The following HHAT variants were observed in gnomAD, a reference collection of about 807,000 sequenced individuals.
HHAT encodes hedgehog acyltransferase, also known as protein-cysteine N-palmitoyltransferase HHAT.
In HHAT, 47 loss-of-function variants were observed where a neutral mutation model predicts 70.8. The ratio of observed to expected loss-of-function variants is 0.66; its 90% CI spans 0.53 to 0.85. The LOEUF (loss-of-function observed/expected upper bound fraction) is 0.85, where lower values mean the gene tolerates loss of function less well. Among genes scored for constraint, HHAT ranks in the 40% least tolerant of loss-of-function variants. The pLI, the probability that HHAT is intolerant of heterozygous loss-of-function variation, is 0.00. For missense variants in HHAT, 609 were observed against 604.8 expected, an observed-to-expected ratio of 1.01 and a Z score of -0.07; for synonymous variants, 228 against 247.6, an observed-to-expected ratio of 0.92 and a Z score of 0.74.
At chr1:210,581,088 T>G (rs1659165701) in intron 9 of HHAT, among the ~76,000 whole-genome samples, 1 of 152,182 alleles carries the variant, frequency 6.6e-6, no homozygotes, top group Non-Finnish European at 1.5e-5. Context: ...GATGTTGAGC[T>G]TTCTTTCATA....
intron 1 of HHAT, among the ~76,000 whole-genome samples, chr1:210,330,757 A>G (rs1371372190): frequency 6.6e-6 from 1 of 152,164 alleles, no homozygotes. Flanking sequence ...CATGGACAAT[A>G]AGTTTTTCAT....
chr1:210,406,400 C>CT (rs11462087), intron 6 of HHAT, among the ~76,000 whole-genome samples: 57,212 of 146,712 alleles, frequency 0.39, 11,889 homozygotes, highest in African/African-American at 0.55. Context: ...CCTTTTTCTT[C>CT]TTTTTTTTTT....
At chr1:210,401,218 G>A (rs751729067) in intron 5 of HHAT, among the ~76,000 whole-genome samples, 2 of 152,166 alleles carry the variant, frequency 1.3e-5, no homozygotes, top group Non-Finnish European at 2.9e-5. Context: ...GGGTTCAAGC[G>A]ATTCTCGTGC....
intron 4 of HHAT, among the ~76,000 whole-genome samples, chr1:210,392,277 G>A (rs1195934988): frequency 2.6e-5 from 4 of 152,098 alleles, no homozygotes; most frequent in East Asian, 1.9e-4. Flanking sequence ...TCCTCCCCAC[G>A]TCTCTGGGCC....
intron 11 of HHAT, among the ~76,000 whole-genome samples, chr1:210,626,033 T>G (rs114859226): frequency 0.017 from 2,639 of 152,202 alleles, 38 homozygotes; most frequent in Middle Eastern, 0.034. Context: ...AAGAGGCAGT[T>G]GGAAATATGA....
intron 11 of HHAT, among the ~76,000 whole-genome samples, chr1:210,655,447 G>A (rs1340973621): frequency 6.6e-6 from 1 of 152,230 alleles, no homozygotes; most frequent in East Asian, 1.9e-4. Context: ...ATTCTTCCCT[G>A]TGAGCTCCTG....
intron 11 of HHAT, among the ~76,000 whole-genome samples, chr1:210,654,748 G>A (rs961806649): frequency 6.6e-6 from 1 of 152,202 alleles, no homozygotes; most frequent in Admixed American, 6.5e-5. Flanking sequence ...AATGAGTACA[G>A]TGCAGCCCCT....
intron 2 of HHAT, among the ~76,000 whole-genome samples, chr1:210,360,419 T>C (rs1350280948): frequency 6.6e-6 from 1 of 152,052 alleles, no homozygotes; most frequent in Admixed American, 6.6e-5. Flanking sequence ...CAAGCAATTC[T>C]CTTGCCTCAG....
rs527766946 is a variant in HHAT, at chr1:210,538,303, A to G, written c.1043+25115A>G. Reference sequence around the variant, plus strand: ...TAGAGAAAATAAATAATATTTAGCCACTGAAGAAAGTTTCCACTGTAATGT... The same window carrying G: ...TAGAGAAAATAAATAATATTTAGCCGCTGAAGAAAGTTTCCACTGTAATGT... On this transcript the variant is annotated intron_variant, in intron 9 of 11. Transcript: ENST00000261458. Among the ~76,000 whole-genome samples the G allele has an allele frequency of 7.2e-5, 11 of 152,296 alleles. 1 individual carries two copies. In the South Asian group the frequency reaches 2.1e-3, roughly 29 times the overall value.
At chr1:210,625,438 A>G (rs1312284918) in intron 11 of HHAT, among the ~76,000 whole-genome samples, 3 of 152,208 alleles carry the variant, frequency 2.0e-5, no homozygotes, top group Non-Finnish European at 4.4e-5. Context: ...CTGAGAACAC[A>G]GAGATGAAAA....
chr1:210,662,267 A>T (rs1446234224), intron 11 of HHAT, among the ~76,000 whole-genome samples: 1 of 152,178 alleles, frequency 6.6e-6, no homozygotes, highest in African/African-American at 2.4e-5. Flanking sequence ...GAAGACGCAG[A>T]CTGCCTATGG....
chr1:210,366,724 A>G (rs889759445), intron 3 of HHAT, among the ~76,000 whole-genome samples: 2 of 152,230 alleles, frequency 1.3e-5, no homozygotes, highest in African/African-American at 4.8e-5. Flanking sequence ...CAGCTGGTCT[A>G]TAGCAATATT....
chr1:210,420,245 T>C (rs946470490), intron 7 of HHAT, among the ~76,000 whole-genome samples: 1 of 151,596 alleles, frequency 6.6e-6, no homozygotes, highest in Non-Finnish European at 1.5e-5. Flanking sequence ...TCATGCTTGT[T>C]ATGTATGTTC....
intron 7 of HHAT, among the ~76,000 whole-genome samples, chr1:210,438,174 T>TTG (rs3036615): frequency 0.26 from 38,783 of 149,476 alleles, 5,154 homozygotes; most frequent in African/African-American, 0.3. Context: ...TTCTCCGTGT[T>TTG]TGTGTGTGTG....
intron 10 of HHAT, among the ~76,000 whole-genome samples, chr1:210,613,260 G>GA (rs1233413306): frequency 6.6e-6 from 1 of 152,010 alleles, no homozygotes; most frequent in Non-Finnish European, 1.5e-5. Flanking sequence ...TTAGATACTT[G>GA]AACCCTTTTG....
At position 210,674,651 on chromosome 1, in the gene HHAT, G is replaced by A; in HGVS notation, c.*272G>A. 1 of 383,330 alleles carries A rather than the reference G, an allele frequency of 2.6e-6. No individual in the cohort carries two copies. Among genetic ancestry groups the A allele is most frequent in the Non-Finnish European group, 4.7e-6 (1 of 213,866 alleles). The allele number at this position is 383,330 out of a possible 1,614,324, so 23.7% of individuals were successfully genotyped here. On this transcript the variant is annotated 3_prime_UTR_variant, in exon 12 of 12. Coordinates refer to ENST00000261458, the MANE Select transcript of HHAT (RefSeq NM_018194.6). ...TCGTGTGTCTTACCCAGCTACACAG[G>A]GTGACATTTTGGTCTAGAACCTAGT...
rs371568839 is a variant in HHAT, at chr1:210,362,834, C to CT, written c.92-7dup. 26,796 of 1,070,256 alleles carry CT rather than the reference C, an allele frequency of 0.025. 8 individuals are homozygous for CT. Among genetic ancestry groups the CT allele is most frequent in the African/African-American group, 0.032 (1,962 of 61,800 alleles). 66.3% of individuals were successfully genotyped at this position (1,070,256 alleles called of 1,614,324 possible). A position where few individuals can be genotyped will look rare whatever the true frequency, so the allele number is the denominator to read the frequency against. ...TGTTTAGATTTGTGACTAACGAAGA[C>CT]TTTTTTTTTTTGGTCAGAACACGAA... On this transcript the variant is annotated splice_polypyrimidine_tract_variant and intron_variant, in intron 2 of 11. Transcript: ENST00000261458.
chr1:210,579,613 A>C (rs886541553), intron 9 of HHAT, among the ~76,000 whole-genome samples: 3 of 152,212 alleles, frequency 2.0e-5, no homozygotes, highest in African/African-American at 7.2e-5. Flanking sequence ...GTGCATACTA[A>C]GTATGTATAC....
chr1:210,528,287 C>T (rs1456896871), intron 9 of HHAT, among the ~76,000 whole-genome samples: 2 of 152,116 alleles, frequency 1.3e-5, no homozygotes, highest in African/African-American at 4.8e-5. Context: ...AAAAGCATAT[C>T]AAACCCCTGT....
Sources: allele counts gnomAD v4.1 joint callset (sites outside exome capture counted in the v4.1 genomes callset), GRCh38; gene constraint gnomAD v4.1.1; transcripts MANE v1.5; gene names NCBI Gene and HGNC (gene_info 2026-07-23, HGNC 2026-07-21).